Variants in PCGF5 observed in about 807,000 individuals in gnomAD.
The protein encoded by PCGF5 is polycomb group ring finger 5.
A neutral mutation model predicts 44.3 loss-of-function variants in PCGF5; 9 were observed. That is an observed-to-expected ratio of 0.20 (90% CI 0.12 to 0.35). PCGF5 has a LOEUF of 0.35. Ranked by LOEUF, PCGF5 falls within the 10% of genes least tolerant of loss-of-function variation. The probability of loss-of-function intolerance (pLI) is 1.00; values close to 1 mark genes in which losing one functional copy is unlikely to be tolerated. For synonymous variants in PCGF5, 95 were observed against 102.5 expected, an observed-to-expected ratio of 0.93 and a Z score of 0.44; for missense variants, 146 against 305.3, an observed-to-expected ratio of 0.48 and a Z score of 3.89.
At chr10:91,246,312 G>T (rs1181598846) in intron 3 of PCGF5, among the ~76,000 whole-genome samples, 3 of 152,152 alleles carry the variant, frequency 2.0e-5, no homozygotes, top group African/African-American at 7.2e-5. Context: ...AGGTAGCATT[G>T]GTTTGGTCGG....
chr10:91,265,908 G>A (rs1031285430), intron 8 of PCGF5, among the ~76,000 whole-genome samples: 1 of 152,166 alleles, frequency 6.6e-6, no homozygotes, highest in African/African-American at 2.4e-5. Context: ...GTGTGGCCTT[G>A]AAGAACTTGT....
At chr10:91,246,910 C>A (rs968045413) in intron 3 of PCGF5, among the ~76,000 whole-genome samples, 14 of 151,426 alleles carry the variant, frequency 9.2e-5, no homozygotes, top group African/African-American at 3.2e-4. Flanking sequence ...AAATATGGAA[C>A]TTGAAATCAG....
intron 2 of PCGF5, among the ~76,000 whole-genome samples, chr10:91,238,387 G>A (rs558343803): frequency 6.6e-6 from 1 of 152,278 alleles, no homozygotes; most frequent in East Asian, 1.9e-4. Flanking sequence ...TAGCTTCTGG[G>A]AAGATAGGGT....
At chr10:91,168,906 C>T (rs981343976) in intron 1 of PCGF5, among the ~76,000 whole-genome samples, 43 of 113,242 alleles carry the variant, frequency 3.8e-4, no homozygotes, top group African/African-American at 1.4e-3. Context: ...CCAGCCTGGG[C>T]GACAGTGTGA....
chr10:91,202,512 C>T (rs1040239155), intron 1 of PCGF5, among the ~76,000 whole-genome samples: 3 of 152,142 alleles, frequency 2.0e-5, no homozygotes, highest in Non-Finnish European at 2.9e-5. Flanking sequence ...AAGCTCTTAG[C>T]ACAGTATTTG....
At chr10:91,256,919 A>G (rs1845766562) in intron 6 of PCGF5, among the ~76,000 whole-genome samples, 1 of 152,130 alleles carries the variant, frequency 6.6e-6, no homozygotes, top group Admixed American at 6.6e-5. Flanking sequence ...CTTAGAAATG[A>G]CACCAAAAGC....
chr10:91,202,136 A>G (rs1190279938), intron 1 of PCGF5, among the ~76,000 whole-genome samples: 9 of 152,242 alleles, frequency 5.9e-5, no homozygotes, highest in Non-Finnish European at 1.5e-5. Flanking sequence ...GTGAGAAATA[A>G]ATAAGTTTTT....
At chr10:91,238,194 CA>C (rs1325212854) in intron 2 of PCGF5, among the ~76,000 whole-genome samples, 2 of 152,222 alleles carry the variant, frequency 1.3e-5, no homozygotes, top group Admixed American at 6.5e-5. Flanking sequence ...TTAGTAGCCA[CA>C]TGTGGCTAGT....
chr10:91,209,068 A>G (rs1184510782), intron 1 of PCGF5, among the ~76,000 whole-genome samples: 1 of 152,186 alleles, frequency 6.6e-6, no homozygotes, highest in Admixed American at 6.5e-5. Context: ...GTAGTTTGTT[A>G]CTGTTACATT....
At chr10:91,250,582 T>C (rs548060078) in intron 5 of PCGF5, among the ~76,000 whole-genome samples, 3 of 151,526 alleles carry the variant, frequency 2.0e-5, no homozygotes, top group African/African-American at 4.8e-5. Context: ...AGTTTCAGTA[T>C]TGTTCCCTCA....
At chr10:91,175,413 G>T (rs1843687230) in intron 1 of PCGF5, among the ~76,000 whole-genome samples, 1 of 152,124 alleles carries the variant, frequency 6.6e-6, no homozygotes, top group South Asian at 2.1e-4. Flanking sequence ...GGTAAAATGA[G>T]CAGCCTTAGA....
At chr10:91,160,903 A>AT (rs1192955671), upstream of PCGF5, among the ~76,000 whole-genome samples, 2 of 152,148 alleles carry the variant, frequency 1.3e-5, no homozygotes, top group African/African-American at 4.8e-5. Flanking sequence ...GGTGCCAGTC[A>AT]TTTGCCGCTG....
chr10:91,210,718 T>C (rs558632069), intron 1 of PCGF5, among the ~76,000 whole-genome samples: 3 of 152,336 alleles, frequency 2.0e-5, no homozygotes, highest in African/African-American at 4.8e-5. Flanking sequence ...ACCTGCTTTC[T>C]GTTGTTTGGT....
At chr10:91,220,534 T>C (rs1338900349), upstream of PCGF5, 1 of 151,246 alleles carries the variant, frequency 6.6e-6, no homozygotes, top group East Asian at 2.0e-4. Flanking sequence ...CCTCCGGGCG[T>C]GGTGGTGGGC....
intron 5 of PCGF5, among the ~76,000 whole-genome samples, chr10:91,248,971 TAAAAG>T (rs950398729): frequency 2.6e-5 from 4 of 152,042 alleles, no homozygotes; most frequent in Non-Finnish European, 5.9e-5. Context: ...AAAAGGGAGA[TAAAAG>T]AGAAGATTGG....
intron 9 of PCGF5, among the ~76,000 whole-genome samples, chr10:91,273,842 A>G (rs1846241349): frequency 6.7e-6 from 1 of 149,926 alleles, no homozygotes. Flanking sequence ...ATAGTGTATA[A>G]TATAAAATAT....
At chr10:91,217,648 T>C (rs1487936599), upstream of PCGF5, among the ~76,000 whole-genome samples, 3 of 152,204 alleles carry the variant, frequency 2.0e-5, no homozygotes, top group African/African-American at 7.2e-5. Flanking sequence ...AGTTATCACT[T>C]TGGGATTATG....
chr10:91,271,706 C>T lies in PCGF5; in HGVS notation c.723+9C>T, dbSNP rs1239215291. 6.2e-7 allele frequency: 1 copy of T among 1,610,246 alleles called. No individual in the cohort carries two copies. Among genetic ancestry groups the T allele is most frequent in the Admixed American group, 1.7e-5 (1 of 59,982 alleles). On this transcript the variant is annotated intron_variant, in intron 9 of 9. Coordinates refer to ENST00000336126, the MANE Select transcript of PCGF5 (RefSeq NM_032373.5). Reference sequence around the variant, plus strand: ...ATGGCCCTTTGTATCAGGTAAGAGGCACTCACGACTGTACATATGACCATC... The same window carrying T: ...ATGGCCCTTTGTATCAGGTAAGAGGTACTCACGACTGTACATATGACCATC...
At chr10:91,225,888 C>A (rs1188076291) in intron 2 of PCGF5, among the ~76,000 whole-genome samples, 1 of 151,984 alleles carries the variant, frequency 6.6e-6, no homozygotes, top group Non-Finnish European at 1.5e-5. Context: ...TTCAACTCTT[C>A]TACAAGGTTT....
Sources: allele counts gnomAD v4.1 joint callset (sites outside exome capture counted in the v4.1 genomes callset), GRCh38; gene constraint gnomAD v4.1.1; transcripts MANE v1.5; gene names NCBI Gene and HGNC (gene_info 2026-07-23, HGNC 2026-07-21).